Variants in ST6GALNAC3 observed in about 807,000 individuals in gnomAD.
The protein encoded by ST6GALNAC3 is alpha-N-acetylgalactosaminide alpha-2,6-sialyltransferase 3.
A neutral mutation model predicts 32.7 loss-of-function variants in ST6GALNAC3; 25 were observed. The ratio of observed to expected loss-of-function variants is 0.76; its 90% confidence interval spans 0.56 to 1.07. The LOEUF is 1.07. ST6GALNAC3 is among the 50% of genes least tolerant of loss of function. ST6GALNAC3 has a pLI of 0.00. For missense variants in ST6GALNAC3, 355 were observed against 382.4 expected, an observed-to-expected ratio of 0.93 and a Z score of 0.60; for synonymous variants, 129 against 133.1, an observed-to-expected ratio of 0.97 and a Z score of 0.21.
At chr1:76,266,726 G>A (rs1259270676) in intron 1 of ST6GALNAC3, among the ~76,000 whole-genome samples, 3 of 152,130 alleles carry the variant, frequency 2.0e-5, no homozygotes, top group Non-Finnish European at 4.4e-5. Context: ...CACCCTTTCT[G>A]TGATTATGCC....
At chr1:76,270,232 C>A (rs1313321165) in intron 1 of ST6GALNAC3, among the ~76,000 whole-genome samples, 3 of 152,086 alleles carry the variant, frequency 2.0e-5, no homozygotes, top group Non-Finnish European at 4.4e-5. Context: ...ACTGGCCAGG[C>A]ACGGTGGCTC....
intron 1 of ST6GALNAC3, among the ~76,000 whole-genome samples, chr1:76,098,865 A>G (rs1425895273): frequency 6.6e-6 from 1 of 152,098 alleles, no homozygotes; most frequent in African/African-American, 2.4e-5. Context: ...TTTCTTGAAA[A>G]TATTTTAGCA....
chr1:76,495,945 T>C (rs1162467436), intron 3 of ST6GALNAC3, among the ~76,000 whole-genome samples: 1 of 152,202 alleles, frequency 6.6e-6, no homozygotes, highest in East Asian at 1.9e-4. Context: ...CTCATCAAGC[T>C]GGGCAATCTG....
At chr1:76,461,824 C>G (rs1329460502) in intron 3 of ST6GALNAC3, among the ~76,000 whole-genome samples, 1 of 152,122 alleles carries the variant, frequency 6.6e-6, no homozygotes, top group Non-Finnish European at 1.5e-5. Context: ...ATTGTTATTA[C>G]CCTCTCATTT....
At chr1:76,092,710 A>G (rs1033483617) in intron 1 of ST6GALNAC3, among the ~76,000 whole-genome samples, 4 of 152,176 alleles carry the variant, frequency 2.6e-5, no homozygotes, top group Non-Finnish European at 4.4e-5. Flanking sequence ...AATTTTGAAC[A>G]AGGGCCCTGC....
intron 1 of ST6GALNAC3, among the ~76,000 whole-genome samples, chr1:76,307,427 T>A (rs1432120182): frequency 1.3e-5 from 2 of 152,272 alleles, no homozygotes; most frequent in South Asian, 2.1e-4. Flanking sequence ...GATAGAACTA[T>A]AACATATTGA....
At chr1:76,383,447 T>TG (rs989794504) in intron 2 of ST6GALNAC3, among the ~76,000 whole-genome samples, 11 of 150,836 alleles carry the variant, frequency 7.3e-5, no homozygotes, top group Non-Finnish European at 1.5e-4. Flanking sequence ...ATTAATTTTT[T>TG]TTTTTTTTTT....
At chr1:76,380,079 TGA>T (rs1651583730) in intron 2 of ST6GALNAC3, among the ~76,000 whole-genome samples, 1 of 151,874 alleles carries the variant, frequency 6.6e-6, no homozygotes, top group African/African-American at 2.4e-5. Flanking sequence ...GAAAAATAAA[TGA>T]GAGGATATTA....
intron 1 of ST6GALNAC3, among the ~76,000 whole-genome samples, chr1:76,117,372 G>T (rs1648549258): frequency 6.6e-6 from 1 of 152,208 alleles, no homozygotes; most frequent in Non-Finnish European, 1.5e-5. Context: ...ACTTGGACAA[G>T]ATAACTTACG....
At chr1:76,404,557 A>G (rs555037391) in intron 2 of ST6GALNAC3, among the ~76,000 whole-genome samples, 1 of 152,028 alleles carries the variant, frequency 6.6e-6, no homozygotes, top group Non-Finnish European at 1.5e-5. Context: ...CATCAAGGAG[A>G]ATAAAGGCAA....
rs940741042 is a variant in ST6GALNAC3, at chr1:76,634,091, C to CT, written c.*5293dup. The CT allele has an allele frequency of 7.6e-5, 70 of 924,058 alleles. No individual in the cohort carries two copies. Among genetic ancestry groups the CT allele is most frequent in the South Asian group, 2.5e-4 (5 of 20,020 alleles). 57.2% of individuals were successfully genotyped at this position (924,058 alleles called of 1,614,324 possible). ...TGTTTGTTTCTTTTCAGAATAGGCA[C>CT]TTTTTTTTGAGTAGAAAACCTCTTC... On this transcript the variant is annotated 3_prime_UTR_variant, in exon 5 of 5. Transcript: ENST00000328299.
At chr1:76,448,372 T>G (rs1172176426) in intron 3 of ST6GALNAC3, among the ~76,000 whole-genome samples, 2 of 152,216 alleles carry the variant, frequency 1.3e-5, no homozygotes, top group Admixed American at 1.3e-4. Flanking sequence ...GGACTTGTCT[T>G]GTCTCACATG....
chr1:76,274,581 A>C (rs1259741886), intron 1 of ST6GALNAC3, among the ~76,000 whole-genome samples: 1 of 152,180 alleles, frequency 6.6e-6, no homozygotes, highest in East Asian at 1.9e-4. Flanking sequence ...TCTGCAGCCT[A>C]AACCCCTTCA....
intron 1 of ST6GALNAC3, among the ~76,000 whole-genome samples, chr1:76,105,594 A>C (rs2100787330): frequency 6.6e-6 from 1 of 152,304 alleles, no homozygotes; most frequent in South Asian, 2.1e-4. Flanking sequence ...TCATTTTGCT[A>C]GCTCATTTAA....
intron 1 of ST6GALNAC3, among the ~76,000 whole-genome samples, chr1:76,210,636 A>G (rs1253829254): frequency 6.6e-6 from 1 of 152,188 alleles, no homozygotes; most frequent in Non-Finnish European, 1.5e-5. Flanking sequence ...AGGTGTTCGC[A>G]TGTTTGCTTT....
At chr1:76,299,838 T>C (rs552749441) in intron 1 of ST6GALNAC3, among the ~76,000 whole-genome samples, 4 of 152,198 alleles carry the variant, frequency 2.6e-5, no homozygotes, top group Admixed American at 6.6e-5. Context: ...ATATATAAGA[T>C]ATGAAACAGA....
intron 1 of ST6GALNAC3, among the ~76,000 whole-genome samples, chr1:76,221,032 T>C (rs767646914): frequency 5.3e-5 from 8 of 151,096 alleles, no homozygotes; most frequent in Non-Finnish European, 1.0e-4. Context: ...TTTGGAGCAA[T>C]CAATGCAGCC....
intron 3 of ST6GALNAC3, among the ~76,000 whole-genome samples, chr1:76,525,810 T>TATACATATATATATATATAC (rs1557529045): frequency 3.2e-5 from 4 of 126,846 alleles, no homozygotes; most frequent in Non-Finnish European, 6.9e-5. Flanking sequence ...TATATATATA[T>TATACATATATATATATATAC]ATATATATAT....
At chr1:76,622,255 T>C (rs1378325097) in intron 3 of ST6GALNAC3, among the ~76,000 whole-genome samples, 3 of 151,970 alleles carry the variant, frequency 2.0e-5, no homozygotes, top group African/African-American at 7.2e-5. Flanking sequence ...CCTGATACTT[T>C]TTCTGCATTC....
Sources: gnomAD v4.1 joint callset for allele counts (sites outside exome capture counted in the v4.1 genomes callset) on GRCh38, gnomAD v4.1.1 for gene constraint, MANE v1.5 for transcripts, NCBI Gene and HGNC (gene_info 2026-07-23, HGNC 2026-07-21) for gene names.